The following NRIP1 variants were observed in gnomAD, a reference collection of about 807,000 sequenced individuals.
The protein encoded by NRIP1 is nuclear receptor interacting protein 1.
NRIP1 carries 28 observed loss-of-function variants against 75.0 expected under a neutral mutation model. The observed-to-expected ratio is 0.37, with a 90% CI of 0.28 to 0.51. NRIP1 has a LOEUF of 0.51. NRIP1 is among the 20% of genes least tolerant of loss of function. NRIP1 has a pLI of 0.92. For missense variants in NRIP1, 1,435 were observed against 1,343.7 expected (o/e 1.07, Z -1.06); for synonymous variants, 526 against 487.6 (o/e 1.08, Z -1.04).
chr21:14,966,773 T>G lies in NRIP1; in HGVS notation c.1420A>C (p.Lys474Gln), dbSNP rs141152127. Residue 474 changes from lysine (K) to glutamine (Q), a missense_variant, in exon 4 of 4, where the codon AAA becomes CAA. Physicochemically the swap from Lys to Gln is moderately conservative, Grantham distance 53. Transcript: ENST00000318948. ...TQSLLNTWDP[K>Q]VPDVDIKEDQ... ...TCTTTGATATCTACATCTGGGACTT[T>G]TGGATCCCAAGTGTTTAGCAAGGAT... is the stretch of plus-strand genomic sequence containing the variant. 2.5e-6 allele frequency: 4 copies of G among 1,614,012 alleles called. No individual in the cohort carries two copies. In the African/African-American group the frequency reaches 4.0e-5, roughly 16 times the overall value.
At chr21:14,994,136 G>A (rs1183650316) in intron 3 of NRIP1, among the ~76,000 whole-genome samples, 1 of 151,898 alleles carries the variant, frequency 6.6e-6, no homozygotes, top group Non-Finnish European at 1.5e-5. Flanking sequence ...GGGGTGGGGT[G>A]GGGGCGCAGA....
rs1447517306 is a variant in NRIP1 at position 14,967,355 on chromosome 21, A to C, written c.838T>G (p.Ser280Ala). ...TGCGTTTTTAAAGCGTGTTCTCGAG[A>C]ATACTGCTGCAAATGGGCTTCGCTT... Reference protein sequence around the residue: ...LSSEAHLQQYSREHALKTQNA... With the variant: ...LSSEAHLQQYAREHALKTQNA... Residue 280 changes from serine to alanine, a missense_variant, in exon 4 of 4, where the codon TCT (serine) becomes GCT (alanine). Ser to Ala is a moderately conservative substitution (Grantham distance 99). Coordinates refer to ENST00000318948, the MANE Select transcript of NRIP1 (RefSeq NM_003489.4). 2 of 1,614,132 alleles carry C rather than the reference A, an allele frequency of 1.2e-6. No individual in the cohort carries two copies. Among genetic ancestry groups the C allele is most frequent in the Non-Finnish European group, 8.5e-7 (1 of 1,180,014 alleles).
intron 2 of NRIP1, among the ~76,000 whole-genome samples, chr21:15,016,653 A>G (rs577213802): frequency 6.6e-6 from 1 of 152,206 alleles, no homozygotes; most frequent in East Asian, 1.9e-4. Context: ...GGGAAGCCGA[A>G]ATGGGCAGAT....
At position 15,033,808 on chromosome 21, in the gene NRIP1, G is replaced by A. The variant is rs1053787500; in HGVS notation, c.-458+9687C>T. Among the ~76,000 whole-genome samples the A allele has an allele frequency of 5.3e-5, 8 of 152,314 alleles. No individual in the cohort carries two copies. The South Asian group carries it at 1.2e-3, about 24-fold the overall frequency. On this transcript the variant is annotated intron_variant, in intron 2 of 3. Coordinates refer to ENST00000318948, the MANE Select transcript of NRIP1 (RefSeq NM_003489.4). ...AAATCTGGGATTCAAACTCAAGTCA[G>A]TGTGTTTCACAGTAAGGCATTCCAC... is the stretch of plus-strand genomic sequence containing the variant.
intron 1 of NRIP1, among the ~76,000 whole-genome samples, chr21:15,063,152 G>A (rs1245584120): frequency 6.6e-6 from 1 of 152,078 alleles, no homozygotes; most frequent in Non-Finnish European, 1.5e-5. Flanking sequence ...CAACCTGCAG[G>A]GCAGTAGCCG....
intron 1 of NRIP1, 30 bp downstream of exon 1, chr21:15,064,715 C>T (rs1017630291): frequency 6.0e-5 from 9 of 149,900 alleles, no homozygotes; most frequent in African/African-American, 2.2e-4. Flanking sequence ...GGCCGCTACT[C>T]CTGGCGCCCT....
intron 3 of NRIP1, among the ~76,000 whole-genome samples, chr21:14,984,614 T>A (rs185901871): frequency 6.6e-6 from 1 of 152,212 alleles, no homozygotes; most frequent in East Asian, 1.9e-4. Flanking sequence ...GTAGGAGGTT[T>A]GAGAGGATTG....
At chr21:14,975,893 T>C (rs944632962) in intron 3 of NRIP1, among the ~76,000 whole-genome samples, 1 of 152,158 alleles carries the variant, frequency 6.6e-6, no homozygotes, top group South Asian at 2.1e-4. Flanking sequence ...AGATTCCATA[T>C]GTACTTTTGA....
intron 3 of NRIP1, among the ~76,000 whole-genome samples, chr21:14,981,292 C>A (rs530453620): frequency 1.3e-5 from 2 of 152,210 alleles, no homozygotes; most frequent in African/African-American, 4.8e-5. Flanking sequence ...GAAGAAACTG[C>A]GGTGCGTGCT....
intron 1 of NRIP1, among the ~76,000 whole-genome samples, chr21:15,049,808 C>T (rs1027017134): frequency 6.6e-6 from 1 of 152,024 alleles, no homozygotes; most frequent in Non-Finnish European, 1.5e-5. Flanking sequence ...TCTTCATTTT[C>T]TCTCCCTATA....
At position 14,967,395 on chromosome 21, in the gene NRIP1, T is replaced by C. The variant is rs1479214672; in HGVS notation, c.798A>G (p.Leu266=). The change falls in exon 4 of 4, where the codon TTA becomes TTG. Residue 266 remains leucine (L), a synonymous_variant. Transcript: ENST00000318948. ...SPKPSVACSQ[L]ALLLSSEAHL... The stretch of plus-strand genomic sequence containing the variant: ...GGGCTTCGCTTGACAGAAGTAATGC[T>C]AACTGGCTACAAGCAACACTAGGTT... 2 of 1,614,006 alleles carry C rather than the reference T, an allele frequency of 1.2e-6. No homozygotes were observed. The highest frequency in any genetic ancestry group is 2.7e-5 in the African/African-American group (2 of 74,938).
chr21:15,063,844 A>G (rs1179346057), intron 1 of NRIP1, among the ~76,000 whole-genome samples: 2 of 152,242 alleles, frequency 1.3e-5, no homozygotes, highest in Non-Finnish European at 1.5e-5. Flanking sequence ...TACCTTCAGC[A>G]GCCAATTATT....
chr21:14,967,488 T>C lies in NRIP1; in HGVS notation c.705A>G (p.Ser235=). ...SGTKVMSEPL[S]CAARLQAVAS... ...CAACAGCCTGTAATCTTGCAGCACA[T>C]GACAACGGTTCACTCATGACCTTTG... Residue 235 remains serine (S), a synonymous_variant, in exon 4 of 4, where the codon TCA becomes TCG. Coordinates refer to ENST00000318948, the MANE Select transcript of NRIP1 (RefSeq NM_003489.4). The C allele has an allele frequency of 2.5e-6, 4 of 1,614,162 alleles. No individual in the cohort carries two copies. The highest frequency in any genetic ancestry group is 3.4e-6 in the Non-Finnish European group (4 of 1,180,024).
intron 3 of NRIP1, among the ~76,000 whole-genome samples, chr21:15,009,564 T>C (rs919473817): frequency 6.6e-6 from 1 of 152,198 alleles, no homozygotes; most frequent in African/African-American, 2.4e-5. Context: ...GCATGTGAAC[T>C]GACTCTAGGG....
intron 1 of NRIP1, among the ~76,000 whole-genome samples, chr21:15,053,209 G>A (rs2089239097): frequency 6.6e-6 from 1 of 152,134 alleles, no homozygotes; most frequent in South Asian, 2.1e-4. Flanking sequence ...ATTTATTAAA[G>A]GAGGAAAAAA....
Position 14,965,182 on chromosome 21 carries a change from C to G in NRIP1, c.3011G>C (p.Gly1004Ala). The change falls in exon 4 of 4, where the codon GGT becomes GCT. Residue 1004 changes from glycine (G) to alanine (A), a missense_variant. Transcript: ENST00000318948. Reference sequence around the variant, plus strand: ...AGGACTCACAGGAGTTTTTACTACACCTGGGTATGAAAATGTCCTGTTATC... The same window carrying G: ...AGGACTCACAGGAGTTTTTACTACAGCTGGGTATGAAAATGTCCTGTTATC... The part of the protein sequence containing the change: ...CMDNRTFSYP[G>A]VVKTPVSPTF... The G allele has an allele frequency of 6.2e-7, 1 of 1,613,482 alleles. No homozygotes were observed. Among genetic ancestry groups the G allele is most frequent in the Non-Finnish European group, 8.5e-7 (1 of 1,179,914 alleles).
At chr21:15,022,634 A>G (rs1469395370) in intron 2 of NRIP1, among the ~76,000 whole-genome samples, 2 of 152,328 alleles carry the variant, frequency 1.3e-5, no homozygotes, top group Middle Eastern at 3.4e-3. Flanking sequence ...AGATAAACCT[A>G]ATGTATTACA....
chr21:15,040,601 A>G (rs1367638069), intron 2 of NRIP1, among the ~76,000 whole-genome samples: 2 of 152,052 alleles, frequency 1.3e-5, no homozygotes, highest in African/African-American at 2.4e-5. Context: ...TATTCAACTA[A>G]TAAAAAAAGC....
intron 3 of NRIP1, among the ~76,000 whole-genome samples, chr21:14,988,348 T>G (rs559172758): frequency 4.7e-4 from 72 of 152,252 alleles, no homozygotes; most frequent in South Asian, 4.6e-3. Flanking sequence ...GAGAACTTTC[T>G]CAAACAAAAT....
Sources: allele counts gnomAD v4.1 joint callset (sites outside exome capture counted in the v4.1 genomes callset), GRCh38; gene constraint gnomAD v4.1.1; transcripts MANE v1.5; gene names NCBI Gene and HGNC (gene_info 2026-07-23, HGNC 2026-07-21).